Variants in FBXW8 observed in about 807,000 individuals in gnomAD.
The protein encoded by FBXW8 is F-box/WD repeat-containing protein 8.
A neutral mutation model predicts 65.3 loss-of-function variants in FBXW8; 57 were observed. The observed-to-expected ratio is 0.87, with a 90% confidence interval of 0.71 to 1.09. FBXW8 has a LOEUF of 1.09. Among genes scored for constraint, FBXW8 ranks in the 50% least tolerant of loss-of-function variants. The pLI is 0.00. For synonymous variants in FBXW8, 308 were observed against 330.2 expected, an observed-to-expected ratio of 0.93 and a Z score of 0.73; for missense variants, 777 against 814.8, an observed-to-expected ratio of 0.95 and a Z score of 0.57.
At chr12:116,986,754 G>A (rs1885719142) in intron 6 of FBXW8, 1 of 152,276 alleles carries the variant, frequency 6.6e-6, no homozygotes, top group South Asian at 2.1e-4. Context: ...TGGCAATAAG[G>A]TGGCATCCTG....
rs565482472 is a variant in FBXW8, at chr12:116,947,278, C to T, written c.588+1750C>T. ...TGGCTGTTGATTGAGTGAACTGGAG[C>T]GGACTGCAGGCTGAACCAAACATGA... On this transcript the variant is annotated intron_variant, in intron 3 of 10. Transcript: ENST00000652555. 6.6e-5 allele frequency among the ~76,000 whole-genome samples: 10 copies of T among 152,202 alleles called. No homozygotes were observed. The South Asian group carries it at 1.7e-3, about 25-fold the overall frequency.
At chr12:116,940,979 G>A (rs1882527005) in intron 2 of FBXW8, among the ~76,000 whole-genome samples, 1 of 152,220 alleles carries the variant, frequency 6.6e-6, no homozygotes, top group East Asian at 1.9e-4. Context: ...TTAGAGCAAT[G>A]AAGAAATGAC....
intron 4 of FBXW8, among the ~76,000 whole-genome samples, chr12:116,957,925 C>T (rs1565914049): frequency 6.6e-6 from 1 of 152,222 alleles, no homozygotes; most frequent in Non-Finnish European, 1.5e-5. Context: ...AATGAAGGAG[C>T]TCCAGAATAT....
chr12:116,957,705 GT>G (rs1883738436), intron 4 of FBXW8, among the ~76,000 whole-genome samples: 1 of 152,226 alleles, frequency 6.6e-6, no homozygotes, highest in South Asian at 2.1e-4. Flanking sequence ...TTTAAACCTT[GT>G]TTTGTATAGA....
intron 4 of FBXW8, among the ~76,000 whole-genome samples, chr12:116,954,458 C>A (rs1565912464): frequency 6.6e-6 from 1 of 152,128 alleles, no homozygotes; most frequent in Non-Finnish European, 1.5e-5. Context: ...ACATTAAGGT[C>A]ATTTCCTGTG....
intron 5 of FBXW8, among the ~76,000 whole-genome samples, chr12:116,973,837 G>T (rs1287333740): frequency 6.6e-6 from 1 of 152,196 alleles, no homozygotes; most frequent in Non-Finnish European, 1.5e-5. Flanking sequence ...AGTTCTTGCA[G>T]CTTTTCTGTA....
At chr12:116,991,546 C>G (rs1369862077) in intron 7 of FBXW8, among the ~76,000 whole-genome samples, 1 of 152,200 alleles carries the variant, frequency 6.6e-6, no homozygotes, top group African/African-American at 2.4e-5. Context: ...TGTGCTTCAG[C>G]CTGGTGGCAG....
intron 8 of FBXW8, among the ~76,000 whole-genome samples, chr12:117,023,926 C>A (rs569523498): frequency 6.6e-6 from 1 of 152,354 alleles, no homozygotes; most frequent in South Asian, 2.1e-4. Flanking sequence ...CCTTGGCCTG[C>A]GTCTTTCTTG....
intron 8 of FBXW8, among the ~76,000 whole-genome samples, chr12:117,020,335 A>T (rs774737338): frequency 2.5e-4 from 38 of 151,732 alleles, no homozygotes; most frequent in Non-Finnish European, 3.1e-4. Flanking sequence ...CCCATTTTTT[A>T]AATTATACTC....
intron 5 of FBXW8, chr12:116,977,412 C>T (rs902058215): frequency 2.6e-5 from 4 of 152,046 alleles, no homozygotes; most frequent in Non-Finnish European, 5.9e-5. Flanking sequence ...CGTATTTTTA[C>T]TTTTGTTAGT....
intron 4 of FBXW8, among the ~76,000 whole-genome samples, chr12:116,957,359 A>T (rs1006614906): frequency 6.6e-5 from 10 of 152,148 alleles, no homozygotes; most frequent in East Asian, 1.9e-4. Context: ...ATTTTTTTTT[A>T]AAAAAGGACC....
At chr12:117,023,766 C>T (rs1954156811) in intron 8 of FBXW8, among the ~76,000 whole-genome samples, 1 of 152,218 alleles carries the variant, frequency 6.6e-6, no homozygotes, top group African/African-American at 2.4e-5. Context: ...GGCTTTGTAG[C>T]TCTTGCCTTT....
At chr12:117,027,337 C>A in intron 9 of FBXW8, 57 bp from the exon 10 acceptor site, 1 of 1,320,312 alleles carries the variant, frequency 7.6e-7, no homozygotes, top group Non-Finnish European at 1.1e-6. Flanking sequence ...AGGCCTGCGG[C>A]AGCAAGTGCA....
intron 5 of FBXW8, among the ~76,000 whole-genome samples, chr12:116,975,580 C>T (rs1395590685): frequency 6.6e-6 from 1 of 152,196 alleles, no homozygotes; most frequent in Non-Finnish European, 1.5e-5. Context: ...GTGAAATTAT[C>T]ACTCCGTAAG....
chr12:116,946,209 C>T (rs1426335403), intron 3 of FBXW8, among the ~76,000 whole-genome samples: 2 of 152,158 alleles, frequency 1.3e-5, no homozygotes, highest in African/African-American at 4.8e-5. Flanking sequence ...TCTCTTTACT[C>T]CCATAAAGGT....
intron 2 of FBXW8, among the ~76,000 whole-genome samples, chr12:116,934,960 C>T (rs1329819594): frequency 6.7e-6 from 1 of 149,808 alleles, no homozygotes; most frequent in African/African-American, 2.4e-5. Context: ...CCGACCCTTT[C>T]ACCCCCAGCT....
intron 9 of FBXW8, among the ~76,000 whole-genome samples, chr12:117,024,630 T>C (rs1176450272): frequency 6.6e-6 from 1 of 152,246 alleles, no homozygotes; most frequent in African/African-American, 2.4e-5. Context: ...AGTGCTATTC[T>C]GATTATTTTA....
intron 2 of FBXW8, among the ~76,000 whole-genome samples, chr12:116,930,633 A>G (rs1340673261): frequency 2.6e-5 from 4 of 152,122 alleles, no homozygotes; most frequent in African/African-American, 9.7e-5. Flanking sequence ...TTGCTGTACA[A>G]AAGCTTTTTA....
Position 116,994,144 on chromosome 12 carries a change from A to G in FBXW8, c.1239+5275A>G, listed in dbSNP as rs149827895. On this transcript the variant is annotated intron_variant, in intron 7 of 10. Coordinates refer to ENST00000652555, the MANE Select transcript of FBXW8 (RefSeq NM_153348.3). ...ACAAGGCTATAGTAATAAAAACAGC[A>G]TGGTACTGGTGGTAAAAGTAGATAT... 3.1e-4 allele frequency among the ~76,000 whole-genome samples: 47 copies of G among 152,348 alleles called. 1 individual carries two copies. The South Asian group carries it at 3.5e-3, about 11-fold the overall frequency.
Sources: allele counts gnomAD v4.1 joint callset (sites outside exome capture counted in the v4.1 genomes callset), GRCh38; gene constraint gnomAD v4.1.1; transcripts MANE v1.5; gene names NCBI Gene and HGNC (gene_info 2026-07-23, HGNC 2026-07-21).